Variants in CCR5AS observed in about 807,000 individuals in gnomAD.
CCR5AS encodes CCR5 antisense RNA.
chr3:46,389,949 G>A (rs956792444), intron 2 of CCR5AS, among the ~76,000 whole-genome samples: 7 of 152,142 alleles, frequency 4.6e-5, no homozygotes, highest in African/African-American at 1.4e-4. Flanking sequence ...GCCTCAGAGG[G>A]CAATACTTTG....
At chr3:46,373,427 T>C (rs756310938) in intron 2 of CCR5AS, 29 of 1,612,814 alleles carry the variant, frequency 1.8e-5, no homozygotes, top group Non-Finnish European at 2.5e-5. Context: ...AAGGTCTTCA[T>C]TACACCTGCA....
At chr3:46,372,636 A>G in intron 2 of CCR5AS, 1 of 324,656 alleles carries the variant, frequency 3.1e-6, no homozygotes, top group Non-Finnish European at 5.7e-6. Context: ...AGAGCACAAG[A>G]TTTTATTTGG....
At chr3:46,404,806 G>C (rs754465564) in intron 1 of CCR5AS, among the ~76,000 whole-genome samples, 4 of 152,136 alleles carry the variant, frequency 2.6e-5, no homozygotes, top group Non-Finnish European at 5.9e-5. Flanking sequence ...TTTGTCCATT[G>C]GTGCATCCCC....
chr3:46,406,966 G>C (rs1292373780), exon 1 of CCR5AS: 1 of 152,262 alleles, frequency 6.6e-6, no homozygotes, highest in Non-Finnish European at 1.5e-5. Flanking sequence ...ACACTGGTGA[G>C]AGGCCGCATT....
At chr3:46,380,557 TG>T (rs1189199018) in intron 2 of CCR5AS, among the ~76,000 whole-genome samples, 1 of 152,218 alleles carries the variant, frequency 6.6e-6, no homozygotes. Flanking sequence ...GAGCATTGCC[TG>T]CCCTAAGCCC....
chr3:46,401,467 T>A (rs1178767357), intron 1 of CCR5AS, among the ~76,000 whole-genome samples: 1 of 152,180 alleles, frequency 6.6e-6, no homozygotes, highest in African/African-American at 2.4e-5. Flanking sequence ...GGGAAAGCCA[T>A]GAGATCACAA....
chr3:46,388,771 G>A (rs112552317), intron 2 of CCR5AS, among the ~76,000 whole-genome samples: 9,120 of 152,252 alleles, frequency 0.06, 905 homozygotes, highest in African/African-American at 0.21. Context: ...TAGTGTGGTG[G>A]AGATAGCTGA....
rs149386999 is a variant in CCR5AS, at chr3:46,395,681, C to T, written n.164-2629G>A. Among the ~76,000 whole-genome samples the T allele has an allele frequency of 5.2e-3, 792 of 152,312 alleles. 3 individuals are homozygous for T. Among genetic ancestry groups the T allele is most frequent in the South Asian group, 8.7e-3 (42 of 4,816 alleles). On this transcript the variant is annotated intron_variant and non_coding_transcript_variant, in intron 1 of 3. Transcript: ENST00000451485. ...AATACAAAGTAATGTTCCCTCCTTC[C>T]GCCTAGAAAAGCACAACTTCTGCCC... is the stretch of plus-strand genomic sequence containing the variant.
At chr3:46,373,877 T>C in intron 2 of CCR5AS, 1 of 1,613,124 alleles carries the variant, frequency 6.2e-7, no homozygotes, top group Admixed American at 1.7e-5. Context: ...AATGCTGTTC[T>C]ATTTTCCAGC....
chr3:46,398,480 A>T (rs180904942), intron 1 of CCR5AS, among the ~76,000 whole-genome samples: 15 of 152,352 alleles, frequency 9.8e-5, no homozygotes, highest in Non-Finnish European at 2.1e-4. Flanking sequence ...TGATGAAATC[A>T]TTACTTTATT....
intron 1 of CCR5AS, among the ~76,000 whole-genome samples, chr3:46,394,352 C>T (rs1701941240): frequency 6.6e-6 from 1 of 152,182 alleles, no homozygotes; most frequent in South Asian, 2.1e-4. Context: ...GGGGCTGCTA[C>T]AGGCTCCTGG....
intron 1 of CCR5AS, among the ~76,000 whole-genome samples, chr3:46,397,868 A>G (rs1701974178): frequency 6.6e-6 from 1 of 152,164 alleles, no homozygotes; most frequent in South Asian, 2.1e-4. Context: ...GGTCATTGAA[A>G]CGCTACTCAA....
intron 2 of CCR5AS, chr3:46,373,248 A>C (rs1559568153): frequency 6.2e-7 from 1 of 1,614,068 alleles, no homozygotes; most frequent in Non-Finnish European, 8.5e-7. Flanking sequence ...CTTCTCTGGA[A>C]TCTTCTTCAT....
At chr3:46,385,121 A>AGCTC (rs1169601713) in intron 2 of CCR5AS, among the ~76,000 whole-genome samples, 1 of 152,142 alleles carries the variant, frequency 6.6e-6, no homozygotes, top group Non-Finnish European at 1.5e-5. Context: ...CCAGCACAGT[A>AGCTC]CCCGAGTGCA....
intron 1 of CCR5AS, among the ~76,000 whole-genome samples, chr3:46,404,901 C>T (rs1702032553): frequency 6.6e-6 from 1 of 152,168 alleles, no homozygotes; most frequent in African/African-American, 2.4e-5. Context: ...GTGATCTACA[C>T]GTAGTGGGGA....
chr3:46,372,171 A>G (rs1701670826), intron 2 of CCR5AS, among the ~76,000 whole-genome samples: 1 of 152,138 alleles, frequency 6.6e-6, no homozygotes, highest in Non-Finnish European at 1.5e-5. Flanking sequence ...AGGCCTCTTA[A>G]TTATTACTGG....
intron 1 of CCR5AS, among the ~76,000 whole-genome samples, chr3:46,400,188 G>A (rs976175259): frequency 6.6e-5 from 10 of 152,034 alleles, no homozygotes; most frequent in Admixed American, 2.0e-4. Context: ...ACAGGGTCTC[G>A]CCATGTTGCC....
At chr3:46,383,090 C>T (rs1375517541) in intron 2 of CCR5AS, among the ~76,000 whole-genome samples, 1 of 152,162 alleles carries the variant, frequency 6.6e-6, no homozygotes, top group Non-Finnish European at 1.5e-5. Flanking sequence ...TTAGACATAG[C>T]GGGCAATCCA....
intron 2 of CCR5AS, among the ~76,000 whole-genome samples, chr3:46,386,029 A>G (rs1430728061): frequency 6.6e-6 from 1 of 152,132 alleles, no homozygotes; most frequent in African/African-American, 2.4e-5. Context: ...CTCCAACCTC[A>G]GCCCCCCAAG....
Sources: allele counts gnomAD v4.1 joint callset (sites outside exome capture counted in the v4.1 genomes callset), GRCh38; gene constraint gnomAD v4.1.1; transcripts MANE v1.5; gene names NCBI Gene and HGNC (gene_info 2026-07-23, HGNC 2026-07-21).